MICU1: variants seen among roughly 807,000 people sequenced by gnomAD.
MICU1 encodes mitochondrial calcium uptake 1.
MICU1 carries 45 observed loss-of-function variants against 56.8 expected under a neutral mutation model. That is an observed-to-expected ratio of 0.79 (90% CI 0.62 to 1.02). The LOEUF (loss-of-function observed/expected upper bound fraction) is 1.02, where lower values mean the gene tolerates loss of function less well. Ranked by LOEUF, MICU1 falls within the 50% of genes least tolerant of loss-of-function variation. MICU1 has a pLI of 0.00. For missense variants in MICU1, 504 were observed against 587.1 expected (o/e 0.86, Z 1.46); for synonymous variants, 186 against 195.1 (o/e 0.95, Z 0.39).
At chr10:72,584,353 T>G (rs531417690) in intron 1 of MICU1, among the ~76,000 whole-genome samples, 3 of 151,782 alleles carry the variant, frequency 2.0e-5, no homozygotes, top group African/African-American at 7.2e-5. Flanking sequence ...AAAGAAAAAA[T>G]AACCAAAGAT....
intron 10 of MICU1, among the ~76,000 whole-genome samples, chr10:72,403,442 C>A (rs185924938): frequency 6.6e-6 from 1 of 150,784 alleles, no homozygotes; most frequent in Admixed American, 6.6e-5. Context: ...GCTTTGAACT[C>A]CTGGCCTCAA....
At chr10:72,473,712 G>T (rs1866018048) in intron 8 of MICU1, among the ~76,000 whole-genome samples, 1 of 152,032 alleles carries the variant, frequency 6.6e-6, no homozygotes, top group Admixed American at 6.6e-5. Flanking sequence ...GGCTCTAGGG[G>T]GAAATCAATT....
chr10:72,603,777 C>A (rs1841610110), intron 1 of MICU1, among the ~76,000 whole-genome samples: 3 of 152,054 alleles, frequency 2.0e-5, no homozygotes, highest in Admixed American at 2.0e-4. Flanking sequence ...GCACTCCAGT[C>A]TGGGCAACAA....
At chr10:72,504,039 G>A (rs1435130754) in intron 6 of MICU1, among the ~76,000 whole-genome samples, 1 of 152,118 alleles carries the variant, frequency 6.6e-6, no homozygotes, top group East Asian at 1.9e-4. Context: ...AATTAATATT[G>A]TTAAAATGAC....
At chr10:72,400,840 A>C (rs536027114) in intron 10 of MICU1, among the ~76,000 whole-genome samples, 1 of 151,938 alleles carries the variant, frequency 6.6e-6, no homozygotes, top group African/African-American at 2.4e-5. Flanking sequence ...AACCAAAGCT[A>C]TTCTAGAGAA....
intron 9 of MICU1, among the ~76,000 whole-genome samples, chr10:72,422,699 T>C (rs1195054051): frequency 2.2e-5 from 3 of 139,194 alleles, no homozygotes; most frequent in Non-Finnish European, 4.8e-5. Flanking sequence ...TTGATTTCAC[T>C]ACTCTCTTTA....
At chr10:72,525,354 G>T (rs1867933034) in intron 5 of MICU1, among the ~76,000 whole-genome samples, 1 of 152,120 alleles carries the variant, frequency 6.6e-6, no homozygotes, top group Non-Finnish European at 1.5e-5. Flanking sequence ...GAATAGCATT[G>T]TAAAATTTCT....
intron 1 of MICU1, among the ~76,000 whole-genome samples, chr10:72,570,137 G>T (rs1011923444): frequency 6.6e-6 from 1 of 152,218 alleles, no homozygotes; most frequent in Middle Eastern, 3.4e-3. Flanking sequence ...TAAAGACGGG[G>T]TCTTACCATA....
rs139157562 is a variant in MICU1 at position 72,612,162 on chromosome 10, G to C, written c.-2+13848C>G. On this transcript the variant is annotated intron_variant, in intron 1 of 11. Coordinates refer to ENST00000361114, the MANE Select transcript of MICU1 (RefSeq NM_001195518.2). ...TGCTTAATATTGGGAAAATCAACTA[G>C]TAAACAGGCTTAAAGAAATAAATAA... Among the ~76,000 whole-genome samples, 27 of 152,002 alleles carry C rather than the reference G, an allele frequency of 1.8e-4. No individual in the cohort carries two copies. In the East Asian group the frequency reaches 4.4e-3, roughly 25 times the overall value.
chr10:72,551,091 T>C, intron 4 of MICU1, 88 bp downstream of exon 4: 1 of 1,261,450 alleles, frequency 7.9e-7, no homozygotes. Context: ...TACAAGGACC[T>C]GTAAGATTTC....
At chr10:72,432,102 TTTTTAA>T (rs1864553767) in intron 8 of MICU1, among the ~76,000 whole-genome samples, 1 of 150,674 alleles carries the variant, frequency 6.6e-6, no homozygotes, top group African/African-American at 2.4e-5. Context: ...TTTTTTTTTT[TTTTTAA>T]TTTGAGGCAG....
At chr10:72,523,598 C>T (rs1335648224) in intron 5 of MICU1, among the ~76,000 whole-genome samples, 4 of 152,096 alleles carry the variant, frequency 2.6e-5, no homozygotes, top group Non-Finnish European at 4.4e-5. Flanking sequence ...CTGTGGTCTT[C>T]GTTAGTTATA....
At chr10:72,606,329 C>G (rs1415214016) in intron 1 of MICU1, among the ~76,000 whole-genome samples, 1 of 151,542 alleles carries the variant, frequency 6.6e-6, no homozygotes, top group Non-Finnish European at 1.5e-5. Flanking sequence ...CCGGCCAACA[C>G]AGTGAAACCC....
chr10:72,543,593 C>T (rs954409614), intron 4 of MICU1, among the ~76,000 whole-genome samples: 1 of 152,146 alleles, frequency 6.6e-6, no homozygotes, highest in African/African-American at 2.4e-5. Flanking sequence ...TGGTGGCTCA[C>T]GCCTGTAATC....
At position 72,413,022 on chromosome 10, in the gene MICU1, C is replaced by A. The variant is rs182541889; in HGVS notation, c.1072-4985G>T. On this transcript the variant is annotated intron_variant, in intron 9 of 11. Transcript: ENST00000361114. ...GACCAGCCTGGCCAACATGGTGAAA[C>A]CCTGTCTCTACTAAAAATACAGAAA... Among the ~76,000 whole-genome samples the A allele has an allele frequency of 4.7e-3, 714 of 151,520 alleles. 2 individuals are homozygous for A. Among genetic ancestry groups the A allele is most frequent in the Middle Eastern group, 0.021 (6 of 292 alleles).
intron 3 of MICU1, among the ~76,000 whole-genome samples, chr10:72,558,141 C>T (rs1347713555): frequency 6.6e-6 from 1 of 152,170 alleles, no homozygotes; most frequent in African/African-American, 2.4e-5. Context: ...TTTCTGTAAA[C>T]GGATCTCACA....
intron 10 of MICU1, among the ~76,000 whole-genome samples, chr10:72,376,589 T>C (rs1330152781): frequency 6.6e-6 from 1 of 152,188 alleles, no homozygotes; most frequent in Non-Finnish European, 1.5e-5. Flanking sequence ...TGAGCTGAGA[T>C]GGCGCCACTG....
chr10:72,603,169 C>A (rs1841588225), intron 1 of MICU1, among the ~76,000 whole-genome samples: 1 of 151,706 alleles, frequency 6.6e-6, no homozygotes, highest in African/African-American at 2.4e-5. Flanking sequence ...GGGTGATCAC[C>A]TGAGGTCAGG....
At chr10:72,525,366 G>T (rs1413627910) in intron 5 of MICU1, among the ~76,000 whole-genome samples, 1 of 152,034 alleles carries the variant, frequency 6.6e-6, no homozygotes, top group Non-Finnish European at 1.5e-5. Context: ...AAAATTTCTT[G>T]ACTGAAAAAT....
Sources: allele counts gnomAD v4.1 joint callset (sites outside exome capture counted in the v4.1 genomes callset), GRCh38; gene constraint gnomAD v4.1.1; transcripts MANE v1.5; gene names NCBI Gene and HGNC (gene_info 2026-07-23, HGNC 2026-07-21).